ASTN1: variants seen among roughly 807,000 people sequenced by gnomAD.
ASTN1 encodes astrotactin 1.
A neutral mutation model predicts 140.7 loss-of-function variants in ASTN1; 41 were observed. That is an observed-to-expected ratio of 0.29 (90% CI 0.23 to 0.38). ASTN1 has a LOEUF of 0.38. Among genes scored for constraint, ASTN1 ranks in the 10% least tolerant of loss-of-function variants. The probability of loss-of-function intolerance (pLI) is 1.00; values close to 1 mark genes in which losing one functional copy is unlikely to be tolerated. For synonymous variants in ASTN1, 640 were observed against 652.2 expected, an observed-to-expected ratio of 0.98 and a Z score of 0.29; for missense variants, 1,479 against 1,678.8, an observed-to-expected ratio of 0.88 and a Z score of 2.08.
intron 7 of ASTN1, among the ~76,000 whole-genome samples, chr1:177,017,594 C>T (rs1675622457): frequency 6.6e-6 from 1 of 152,208 alleles, no homozygotes; most frequent in South Asian, 2.1e-4. Context: ...TCTGCATCTG[C>T]TGTGACAGAT....
intron 11 of ASTN1, among the ~76,000 whole-genome samples, chr1:176,956,619 C>T (rs1452802081): frequency 2.0e-5 from 3 of 152,216 alleles, no homozygotes; most frequent in Admixed American, 1.3e-4. Flanking sequence ...TCATCTCTTC[C>T]TCTCCTCTGC....
At chr1:177,063,574 G>A (rs999880384) in intron 1 of ASTN1, among the ~76,000 whole-genome samples, 2 of 152,174 alleles carry the variant, frequency 1.3e-5, no homozygotes, top group Non-Finnish European at 1.5e-5. Flanking sequence ...CTGTGGGCAT[G>A]TCTGTGGGGG....
chr1:176,874,065 C>A (rs541023860), intron 21 of ASTN1, among the ~76,000 whole-genome samples: 2 of 152,326 alleles, frequency 1.3e-5, no homozygotes, highest in South Asian at 4.1e-4. Context: ...GCTGCCTACT[C>A]CCTGATTTCC....
chr1:176,914,550 G>T (rs938815145), intron 16 of ASTN1, among the ~76,000 whole-genome samples: 1 of 152,074 alleles, frequency 6.6e-6, no homozygotes, highest in Non-Finnish European at 1.5e-5. Context: ...TACCGCATGG[G>T]GTCCTGAAGA....
At chr1:177,076,524 CT>C (rs879523656) in intron 1 of ASTN1, among the ~76,000 whole-genome samples, 244 of 137,666 alleles carry the variant, frequency 1.8e-3, no homozygotes, top group Middle Eastern at 7.6e-3. Flanking sequence ...CTTTTCTTTT[CT>C]TTTTTTTTTT....
chr1:176,862,265 C>T lies in ASTN1; in HGVS notation c.*2019G>A, dbSNP rs1278998076. 1.0e-6 allele frequency: 1 copy of T among 985,252 alleles called. No individual in the cohort carries two copies. Among genetic ancestry groups the T allele is most frequent in the Non-Finnish European group, 1.2e-6 (1 of 829,944 alleles). 61.0% of individuals were successfully genotyped at this position (985,252 alleles called of 1,614,324 possible). A position where few individuals can be genotyped will look rare whatever the true frequency, so the allele number is the denominator to read the frequency against. ...TGCATTAGAGAGTTTGAAATAAATC[C>T]TTCAGTGTTTGGAAAGAAGGAGAGA... On this transcript the variant is annotated 3_prime_UTR_variant, in exon 23 of 23. Transcript: ENST00000361833.
chr1:177,052,924 T>C (rs537677595), intron 2 of ASTN1, among the ~76,000 whole-genome samples: 1 of 152,332 alleles, frequency 6.6e-6, no homozygotes, highest in African/African-American at 2.4e-5. Context: ...CTGGCTTCCT[T>C]TCTTACAGCC....
intron 1 of ASTN1, among the ~76,000 whole-genome samples, chr1:177,102,946 T>C (rs1231056314): frequency 2.0e-5 from 3 of 152,230 alleles, no homozygotes; most frequent in African/African-American, 4.8e-5. Flanking sequence ...AACAGGCTAT[T>C]CTCTAACCAT....
At chr1:177,031,104 ACTC>A (rs1676416991) in intron 3 of ASTN1, 152 bp from the exon 4 acceptor site, 2 of 856,320 alleles carry the variant, frequency 2.3e-6, no homozygotes, top group East Asian at 5.6e-5. Flanking sequence ...AAACTGAAAT[ACTC>A]CTTTTTTATT....
chr1:177,016,105 G>A (rs568783446), intron 7 of ASTN1, among the ~76,000 whole-genome samples: 10 of 152,102 alleles, frequency 6.6e-5, no homozygotes, highest in Middle Eastern at 3.4e-3. Context: ...CAGTAAAAAC[G>A]AAGTGAAGGG....
At chr1:176,884,273 C>T in intron 19 of ASTN1, 66 bp downstream of exon 19, 5 of 1,553,084 alleles carry the variant, frequency 3.2e-6, no homozygotes, top group South Asian at 1.2e-5. Context: ...TGAGGCAGGG[C>T]ATTTTTCTTT....
downstream of ASTN1, among the ~76,000 whole-genome samples, chr1:176,860,181 T>C (rs1231742884): frequency 6.6e-6 from 1 of 152,154 alleles, no homozygotes; most frequent in Non-Finnish European, 1.5e-5. Flanking sequence ...GAAAGTCACA[T>C]AGTGTCACTT....
At chr1:177,159,149 C>T (rs1324813751) in intron 1 of ASTN1, among the ~76,000 whole-genome samples, 1 of 151,214 alleles carries the variant, frequency 6.6e-6, no homozygotes, top group Non-Finnish European at 1.5e-5. Flanking sequence ...ATCAACATAT[C>T]TAAAAAAGCA....
rs1435704868 is a variant in ASTN1 at position 176,889,086 on chromosome 1, T to C, written c.2941-882A>G. 2.0e-5 allele frequency among the ~76,000 whole-genome samples: 3 copies of C among 152,354 alleles called. No individual in the cohort carries two copies. In the East Asian group the frequency reaches 5.8e-4, roughly 29 times the overall value. On this transcript the variant is annotated intron_variant, in intron 17 of 22. Coordinates refer to ENST00000361833, the MANE Select transcript of ASTN1 (RefSeq NM_004319.3). Reference sequence around the variant, plus strand: ...CATCACAGAACCTAGCAGAATTCTTTACATGCAGAGGGTTCATAGAGATAT... The same window carrying C: ...CATCACAGAACCTAGCAGAATTCTTCACATGCAGAGGGTTCATAGAGATAT...
rs566106036 is a variant in ASTN1, at chr1:177,113,102, C to T, written c.283+51292G>A. Among the ~76,000 whole-genome samples the T allele has an allele frequency of 2.6e-5, 4 of 152,268 alleles. No individual in the cohort carries two copies. In the South Asian group the frequency reaches 6.2e-4, roughly 24 times the overall value. On this transcript the variant is annotated intron_variant, in intron 1 of 22. Coordinates refer to ENST00000361833, the MANE Select transcript of ASTN1 (RefSeq NM_004319.3). Reference sequence around the variant, plus strand: ...CTCTCCAGCCTTCTCTGCACACACTCGGCATCTTCCCAGCAATCCCCTGAA... The same window carrying T: ...CTCTCCAGCCTTCTCTGCACACACTTGGCATCTTCCCAGCAATCCCCTGAA...
At chr1:177,044,019 G>A (rs1354882904) in intron 2 of ASTN1, among the ~76,000 whole-genome samples, 4 of 152,110 alleles carry the variant, frequency 2.6e-5, no homozygotes, top group Admixed American at 2.0e-4. Flanking sequence ...ATCACTGAAT[G>A]AGGTACTGAT....
chr1:177,147,809 T>A (rs1039861005), intron 1 of ASTN1, among the ~76,000 whole-genome samples: 3 of 152,178 alleles, frequency 2.0e-5, no homozygotes, highest in Non-Finnish European at 4.4e-5. Context: ...AGTCAACTCA[T>A]GCCAAAAAGT....
At chr1:177,064,722 C>T (rs1293016206) in intron 1 of ASTN1, among the ~76,000 whole-genome samples, 1 of 152,222 alleles carries the variant, frequency 6.6e-6, no homozygotes, top group Non-Finnish European at 1.5e-5. Flanking sequence ...ACCATGCCTA[C>T]CAAGGGTGCC....
intron 1 of ASTN1, among the ~76,000 whole-genome samples, chr1:177,118,737 T>A (rs1343770830): frequency 6.6e-6 from 1 of 152,152 alleles, no homozygotes; most frequent in Admixed American, 6.6e-5. Context: ...CAATATTACA[T>A]GTGTATATAA....
Sources: gnomAD v4.1 joint callset for allele counts (sites outside exome capture counted in the v4.1 genomes callset) on GRCh38, gnomAD v4.1.1 for gene constraint, MANE v1.5 for transcripts, NCBI Gene and HGNC (gene_info 2026-07-23, HGNC 2026-07-21) for gene names.